The following LARS1 variants were observed in gnomAD, a reference collection of about 807,000 sequenced individuals.
LARS1 encodes leucyl-tRNA synthetase 1, also known as leucine--tRNA ligase, cytoplasmic.
Under a neutral mutation model 162.8 loss-of-function variants are expected in LARS1, and 100 were observed. The observed-to-expected ratio is 0.61, with a 90% CI of 0.52 to 0.73. The LOEUF (loss-of-function observed/expected upper bound fraction) is 0.73, where lower values mean the gene tolerates loss of function less well. Among genes scored for constraint, LARS1 ranks in the 30% least tolerant of loss-of-function variants. LARS1 has a pLI of 0.00. For missense variants in LARS1, 1,258 were observed against 1,408.9 expected (o/e 0.89, Z 1.71); for synonymous variants, 457 against 462.8 (o/e 0.99, Z 0.16).
chr5:146,139,606 T>C (rs1752671618), intron 21 of LARS1: 1 of 152,372 alleles, frequency 6.6e-6, no homozygotes, highest in African/African-American at 2.4e-5. Context: ...CCAGGCGCGG[T>C]GGCTCACACC....
intron 30 of LARS1, among the ~76,000 whole-genome samples, chr5:146,121,394 C>A (rs909312996): frequency 6.6e-6 from 1 of 152,096 alleles, no homozygotes; most frequent in South Asian, 2.1e-4. Context: ...TGAATGGATT[C>A]TTTGAGACTA....
chr5:146,150,123 C>A (rs1414615793), intron 14 of LARS1, among the ~76,000 whole-genome samples: 1 of 152,154 alleles, frequency 6.6e-6, no homozygotes, highest in Non-Finnish European at 1.5e-5. Flanking sequence ...TTTGCCTGAC[C>A]ATGTGATAAA....
In LARS1 at chr5:146,128,810, T is replaced by C. The variant is rs771026546; in HGVS notation, c.2770-28A>G. On this transcript the variant is annotated intron_variant, in intron 26 of 31. Transcript: ENST00000394434. ...AGACGGTAAAAGAAAGGAAAAACATTCAATAGCTTTTATATAAACCAAAAA... is the reference window on the plus strand; with the variant it reads ...AGACGGTAAAAGAAAGGAAAAACATCCAATAGCTTTTATATAAACCAAAAA... 1.9e-6 allele frequency: 3 copies of C among 1,576,732 alleles called. No individual in the cohort carries two copies. In the African/African-American group the frequency reaches 4.1e-5, roughly 21 times the overall value.
At chr5:146,142,378 T>C (rs1357230767) in intron 20 of LARS1, among the ~76,000 whole-genome samples, 2 of 152,236 alleles carry the variant, frequency 1.3e-5, no homozygotes, top group African/African-American at 2.4e-5. Flanking sequence ...GAAATTGTCT[T>C]GGTTTTATGA....
At position 146,128,660 on chromosome 5, in the gene LARS1, T is replaced by A. The variant is rs771756570; in HGVS notation, c.2880+12A>T. On this transcript the variant is annotated intron_variant, in intron 27 of 31. Transcript: ENST00000394434. ...ACACCATCAGGGGGGAAAAGTCTAC[T>A]GAGAGCATCACCTCAAAGTGTTTAC... The A allele has an allele frequency of 1.3e-6, 2 of 1,529,450 alleles. No individual in the cohort carries two copies. Among genetic ancestry groups the A allele is most frequent in the Non-Finnish European group, 1.8e-6 (2 of 1,140,842 alleles). The allele number at this position is 1,529,450 out of a possible 1,614,324, so 94.7% of individuals were successfully genotyped here. A position where few individuals can be genotyped will look rare whatever the true frequency, so the allele number is the denominator to read the frequency against.
At chr5:146,140,098 C>T (rs1053052633) in intron 21 of LARS1, 106 bp downstream of exon 21, 11 of 865,612 alleles carry the variant, frequency 1.3e-5, no homozygotes, top group Non-Finnish European at 2.1e-5. Flanking sequence ...TGAGGCACCA[C>T]ACCTGGACAC....
intron 4 of LARS1, among the ~76,000 whole-genome samples, chr5:146,170,469 CAA>C (rs34201197): frequency 8.4e-5 from 11 of 130,942 alleles, no homozygotes; most frequent in Admixed American, 1.5e-4. Flanking sequence ...GATTCCGTCT[CAA>C]AAAAAAAAAA....
At chr5:146,120,818 G>A (rs146608876) in intron 30 of LARS1, among the ~76,000 whole-genome samples, 150 of 152,186 alleles carry the variant, frequency 9.9e-4, no homozygotes, top group African/African-American at 3.2e-3. Context: ...GCACTTCATC[G>A]ACGTTAGTTC....
chr5:146,129,677 C>A (rs146168032), intron 25 of LARS1, among the ~76,000 whole-genome samples: 6 of 151,928 alleles, frequency 3.9e-5, no homozygotes, highest in African/African-American at 1.4e-4. Flanking sequence ...CTATATATGC[C>A]AGAAGTTTTA....
chr5:146,177,463 C>T (rs2939529), intron 2 of LARS1, 84 bp downstream of exon 2: 1 of 11,864 alleles, frequency 8.4e-5, no homozygotes, highest in Admixed American at 4.0e-3. Context: ...AAGACTCCGT[C>T]TCAAAAAAAA....
chr5:146,128,100 C>G (rs1752117431), intron 27 of LARS1, among the ~76,000 whole-genome samples: 1 of 151,932 alleles, frequency 6.6e-6, no homozygotes, highest in African/African-American at 2.4e-5. Flanking sequence ...ACATTTTTTT[C>G]TTTCAGGAAA....
In LARS1 at chr5:146,168,236, T is replaced by C; in HGVS notation, c.324A>G (p.Ile108Met). The C allele has an allele frequency of 6.2e-7, 1 of 1,613,052 alleles. No individual in the cohort carries two copies. The highest frequency in any genetic ancestry group is 1.7e-4 in the Middle Eastern group (1 of 6,060). The change falls in exon 5 of 32, where the codon ATA becomes ATG. Residue 108 changes from isoleucine (I) to methionine (M), a missense_variant. Transcript: ENST00000394434. ...AATCAGGGGGGCAACCATACAGCTC[T>C]ATTTCTCTTTTCAACTTATCAGCAC... ...KACADKLKRE[I>M]ELYGCPPDFP...
chr5:146,156,152 C>G (rs1753514915), intron 10 of LARS1, among the ~76,000 whole-genome samples: 1 of 152,040 alleles, frequency 6.6e-6, no homozygotes, highest in Admixed American at 6.6e-5. Context: ...GAAATATTAC[C>G]AGGATACACA....
intron 31 of LARS1, among the ~76,000 whole-genome samples, chr5:146,119,600 G>C (rs1434580155): frequency 1.3e-5 from 2 of 152,080 alleles, no homozygotes; most frequent in Non-Finnish European, 2.9e-5. Context: ...AAAAATAAGA[G>C]AGACACACTA....
chr5:146,129,914 A>T, intron 25 of LARS1, 104 bp downstream of exon 25: 1 of 1,161,400 alleles, frequency 8.6e-7, no homozygotes, highest in Non-Finnish European at 1.2e-6. Flanking sequence ...CTCTTGAATT[A>T]CTCACTTTCA....
chr5:146,148,068 G>C (rs891906410), intron 15 of LARS1, among the ~76,000 whole-genome samples: 1 of 152,132 alleles, frequency 6.6e-6, no homozygotes, highest in African/African-American at 2.4e-5. Flanking sequence ...TCTATACTCA[G>C]GCAATCCAAT....
intron 20 of LARS1, among the ~76,000 whole-genome samples, chr5:146,140,718 T>C (rs936273054): frequency 6.6e-6 from 1 of 152,076 alleles, no homozygotes; most frequent in Non-Finnish European, 1.5e-5. Context: ...AGGCAGACAG[T>C]TGCTTGAACC....
rs371385461 is a variant in LARS1, at chr5:146,155,548, T to C, written c.1066-1568A>G. 3.3e-5 allele frequency among the ~76,000 whole-genome samples: 5 copies of C among 152,352 alleles called. No homozygotes were observed. In the South Asian group the frequency reaches 8.3e-4, roughly 25 times the overall value. ...GCAATTTTAGACCCAAATTCTCAGA[T>C]GGCAACAAAGAATTTGCAGCTTCTT... is the stretch of plus-strand genomic sequence containing the variant. On this transcript the variant is annotated intron_variant, in intron 10 of 31. Transcript: ENST00000394434.
chr5:146,120,507 G>C lies in LARS1; in HGVS notation c.3193-4C>G. On this transcript the variant is annotated splice_polypyrimidine_tract_variant and splice_region_variant and intron_variant, in intron 30 of 31. Coordinates refer to ENST00000394434, the MANE Select transcript of LARS1 (RefSeq NM_020117.11). ...CCAGAGAAACGGACACACCAGGCTA[G>C]GAAAACAACAAGAAAATGATTGTTT... 1 of 1,606,614 alleles carries C rather than the reference G, an allele frequency of 6.2e-7. No homozygotes were observed.
Sources: gnomAD v4.1 joint callset for allele counts (sites outside exome capture counted in the v4.1 genomes callset) on GRCh38, gnomAD v4.1.1 for gene constraint, MANE v1.5 for transcripts, NCBI Gene and HGNC (gene_info 2026-07-23, HGNC 2026-07-21) for gene names.